PHF3: variants seen among roughly 807,000 people sequenced by gnomAD.
PHF3 encodes PHD finger protein 3.
PHF3 carries 41 observed loss-of-function variants against 178.4 expected under a neutral mutation model. The observed-to-expected ratio is 0.23, with a 90% CI of 0.18 to 0.30. The LOEUF (loss-of-function observed/expected upper bound fraction) is 0.30. Among genes scored for constraint, PHF3 ranks in the 10% least tolerant of loss-of-function variants. PHF3 has a pLI of 1.00. For synonymous variants in PHF3, 842 were observed against 800.5 expected, an observed-to-expected ratio of 1.05 and a Z score of -0.88; for missense variants, 2,346 against 2,398.1, an observed-to-expected ratio of 0.98 and a Z score of 0.45.
At chr6:63,704,139 T>C (rs527826404) in intron 11 of PHF3, among the ~76,000 whole-genome samples, 1 of 152,126 alleles carries the variant, frequency 6.6e-6, no homozygotes, top group African/African-American at 2.4e-5. Flanking sequence ...GTTACAGAGA[T>C]TTCTCACATA....
chr6:63,700,560 G>T (rs530715032), intron 9 of PHF3, 94 bp downstream of exon 9: 2 of 650,148 alleles, frequency 3.1e-6, no homozygotes, highest in South Asian at 4.0e-5. Context: ...AACACAGACT[G>T]CATAATAACA....
chr6:63,635,807 G>T lies in PHF3; in HGVS notation c.-369G>T. 2 of 393,892 alleles carry T rather than the reference G, an allele frequency of 5.1e-6. No individual in the cohort carries two copies. The highest frequency in any genetic ancestry group is 9.0e-6 in the Non-Finnish European group (2 of 223,104). 24.4% of individuals were successfully genotyped at this position (393,892 alleles called of 1,614,324 possible). A position where few individuals can be genotyped will look rare whatever the true frequency, so the allele number is the denominator to read the frequency against. On this transcript the variant is annotated 5_prime_UTR_variant, in exon 1 of 16. Transcript: ENST00000262043. ...CGGCCCCCGGAACGGTAAACAGTGGGGTCACGTGACACGGCCCCTCTCCAG... is the reference window on the plus strand; with the variant it reads ...CGGCCCCCGGAACGGTAAACAGTGGTGTCACGTGACACGGCCCCTCTCCAG...
rs137872439 is a variant in PHF3 at position 63,691,821 on chromosome 6, C to T, written c.2274C>T (p.Gly758=). Reference sequence around the variant, plus strand: ...GTCTTTCTCAAGCACAGCAGATGGGCGAGGAAGACAAAGAATATGTCTGTG... The same window carrying T: ...GTCTTTCTCAAGCACAGCAGATGGGTGAGGAAGACAAAGAATATGTCTGTG... ...GLSLSQAQQM[G]EEDKEYVCVK... The change falls in exon 5 of 16, where the codon GGC becomes GGT. Residue 758 remains glycine, a synonymous_variant. Coordinates refer to ENST00000262043, the MANE Select transcript of PHF3 (RefSeq NM_001370348.2). 5.2e-5 allele frequency: 84 copies of T among 1,613,124 alleles called. No homozygotes were observed. In the African/African-American group the frequency reaches 8.4e-4, roughly 16 times the overall value.
intron 3 of PHF3, among the ~76,000 whole-genome samples, chr6:63,680,364 C>T (rs533075736): frequency 2.6e-5 from 4 of 151,238 alleles, no homozygotes; most frequent in African/African-American, 9.7e-5. Flanking sequence ...TCTCCTTCCC[C>T]AGGGGAAACC....
chr6:63,635,885 C>T lies in PHF3; in HGVS notation c.-291C>T. On this transcript the variant is annotated 5_prime_UTR_variant, in exon 1 of 16. Transcript: ENST00000262043. Reference sequence around the variant, plus strand: ...GCTGCGGGGTCTCGCGCCGTCGCACCGTCCCCACGCGGCAAGCGACCTTCG... The same window carrying T: ...GCTGCGGGGTCTCGCGCCGTCGCACTGTCCCCACGCGGCAAGCGACCTTCG... 2.5e-6 allele frequency: 1 copy of T among 397,834 alleles called. No homozygotes were observed. The highest frequency in any genetic ancestry group is 1.3e-4 in the South Asian group (1 of 7,850). 24.6% of individuals were successfully genotyped at this position (397,834 alleles called of 1,614,324 possible).
rs540828670 is a variant in PHF3 at position 63,666,571 on chromosome 6, G to A, written c.245-13429G>A. On this transcript the variant is annotated intron_variant, in intron 2 of 15. Coordinates refer to ENST00000262043, the MANE Select transcript of PHF3 (RefSeq NM_001370348.2). Reference sequence around the variant, plus strand: ...GTATACTCATATGTTCAAGTCTCTGGTATAAAATGGTGTATATTTGCATAT... The same window carrying A: ...GTATACTCATATGTTCAAGTCTCTGATATAAAATGGTGTATATTTGCATAT... Among the ~76,000 whole-genome samples, 8 of 151,856 alleles carry A rather than the reference G, an allele frequency of 5.3e-5. No individual in the cohort carries two copies. In the East Asian group the frequency reaches 1.5e-3, roughly 29 times the overall value.
rs748416576 is a variant in PHF3 at position 63,698,505 on chromosome 6, A to G, written c.2882A>G (p.Lys961Arg). The change falls in exon 8 of 16, where the codon AAA (lysine) becomes AGA (arginine). Residue 961 changes from lysine to arginine, a missense_variant. Physicochemically the swap from Lys to Arg is conservative, Grantham distance 26. Around this residue, in one of 8 missense-constraint regions of PHF3, gnomAD observed 252 missense variants for 232.0 expected, o/e 1.09. Transcript: ENST00000262043. ...GAAAAGGCAGCAAAAGTTGCCACAA[A>G]AATTGAGAAAGAGCTTTTCTCTTTT... is the stretch of plus-strand genomic sequence containing the variant. ...PEEKAAKVAT[K>R]IEKELFSFFR... 15 of 1,605,298 alleles carry G rather than the reference A, an allele frequency of 9.3e-6. No individual in the cohort carries two copies. The highest frequency in any genetic ancestry group is 1.7e-4 in the Middle Eastern group (1 of 6,014).
At chr6:63,711,055 G>A (rs1435594799) in intron 14 of PHF3, 112 bp from the exon 15 acceptor site, 7 of 680,562 alleles carry the variant, frequency 1.0e-5, no homozygotes, top group Non-Finnish European at 1.6e-5. Flanking sequence ...CACGTTATTT[G>A]GTACCATCAT....
At chr6:63,703,398 A>AT in intron 10 of PHF3, 138 bp from the exon 11 acceptor site, 1 of 849,690 alleles carries the variant, frequency 1.2e-6, no homozygotes, top group South Asian at 1.9e-5. Flanking sequence ...GTAAAAAAAA[A>AT]CCAAAAAACA....
At chr6:63,663,078 C>T (rs1404952038) in intron 2 of PHF3, among the ~76,000 whole-genome samples, 1 of 152,110 alleles carries the variant, frequency 6.6e-6, no homozygotes, top group East Asian at 1.9e-4. Context: ...GTTTTCTTAA[C>T]CTTAGTTTTG....
rs1394706756 is a variant in PHF3 at position 63,714,370 on chromosome 6, G to A, written c.*662G>A. 6.6e-6 allele frequency: 1 copy of A among 152,462 alleles called. No homozygotes were observed. Among genetic ancestry groups the A allele is most frequent in the Non-Finnish European group, 1.5e-5 (1 of 67,984 alleles). The allele number at this position is 152,462 out of a possible 1,614,324, so 9.4% of individuals were successfully genotyped here. A position where few individuals can be genotyped will look rare whatever the true frequency, so the allele number is the denominator to read the frequency against. ...AATACTTAAGCTTGTACATGATCTT[G>A]TGTTTTGCTATCCTTTTTACTGTAA... On this transcript the variant is annotated 3_prime_UTR_variant, in exon 16 of 16. Transcript: ENST00000262043.
At chr6:63,667,330 A>G (rs1013755391) in intron 2 of PHF3, among the ~76,000 whole-genome samples, 2 of 152,318 alleles carry the variant, frequency 1.3e-5, no homozygotes, top group African/African-American at 4.8e-5. Flanking sequence ...CTTTAAAAAA[A>G]TTTTTAATTT....
intron 5 of PHF3, among the ~76,000 whole-genome samples, chr6:63,692,258 A>C (rs1767041058): frequency 6.6e-5 from 10 of 152,184 alleles, no homozygotes; most frequent in Admixed American, 6.5e-4. Context: ...CTTATCTCTT[A>C]CAGTCTTTTT....
intron 6 of PHF3, among the ~76,000 whole-genome samples, chr6:63,697,932 G>A (rs1470641532): frequency 2.0e-5 from 3 of 152,120 alleles, no homozygotes; most frequent in Non-Finnish European, 4.4e-5. Context: ...CTCCTAATAA[G>A]TTCAGATCAA....
chr6:63,687,538 C>G (rs2149586854), intron 4 of PHF3, among the ~76,000 whole-genome samples: 1 of 152,308 alleles, frequency 6.6e-6, no homozygotes, highest in East Asian at 1.9e-4. Context: ...CTTTTTCTCT[C>G]TGCCAGAATC....
At chr6:63,647,867 T>G (rs3823446) in intron 2 of PHF3, among the ~76,000 whole-genome samples, 11,906 of 152,222 alleles carry the variant, frequency 0.078, 538 homozygotes, top group East Asian at 0.16. Context: ...CACCATTCCC[T>G]AGAGTAAATA....
At chr6:63,679,275 G>T (rs1185280300) in intron 2 of PHF3, among the ~76,000 whole-genome samples, 2 of 151,980 alleles carry the variant, frequency 1.3e-5, no homozygotes, top group African/African-American at 4.8e-5. Flanking sequence ...TGAGTACGGT[G>T]TTACTATTTC....
In PHF3 at chr6:63,713,510, A is replaced by G. The variant is rs576600852; in HGVS notation, c.5922A>G (p.Leu1974=). 5 of 1,613,736 alleles carry G rather than the reference A, an allele frequency of 3.1e-6. No homozygotes were observed. Among genetic ancestry groups the G allele is most frequent in the African/African-American group, 2.7e-5 (2 of 74,890 alleles). ...EGHKDKERAR[L]SHGDRGTDGK... is the part of the protein sequence containing the mutation. ...ACAAAGATAAAGAGAGGGCACGGTT[A>G]TCACATGGTGATCGAGGAACAGATG... Residue 1974 remains leucine (L), a synonymous_variant, in exon 16 of 16, where the codon TTA becomes TTG. Transcript: ENST00000262043.
intron 5 of PHF3, among the ~76,000 whole-genome samples, 200 bp from the exon 6 acceptor site, chr6:63,694,381 G>C (rs1245303422): frequency 1.3e-5 from 2 of 148,484 alleles, no homozygotes; most frequent in Non-Finnish European, 2.9e-5. Flanking sequence ...TCTACTAATG[G>C]TATTGGGAAC....
Sources: gnomAD v4.1 joint callset for allele counts (sites outside exome capture counted in the v4.1 genomes callset) on GRCh38, gnomAD v4.1.1 for gene constraint, gnomAD v4.1.1 regional missense constraint, MANE v1.5 for transcripts, NCBI Gene and HGNC (gene_info 2026-07-23, HGNC 2026-07-21) for gene names.